Variants in ADGRV1 observed in about 807,000 individuals in gnomAD.
ADGRV1 encodes the protein adhesion G protein-coupled receptor V1, also known as G-protein coupled receptor 98.
In ADGRV1, 359 loss-of-function variants were observed where a neutral mutation model predicts 596.2. That is an observed-to-expected ratio of 0.60 (90% CI 0.55 to 0.66). The LOEUF (loss-of-function observed/expected upper bound fraction) is 0.66. Among genes scored for constraint, ADGRV1 ranks in the 30% least tolerant of loss-of-function variants. The pLI is 0.00. For synonymous variants in ADGRV1, 2,681 were observed against 2,679.2 expected (o/e 1.00, Z -0.02); for missense variants, 7,274 against 7,575.6 (o/e 0.96, Z 1.48).
At chr5:90,675,616 C>T (rs753474050) in intron 24 of ADGRV1, among the ~76,000 whole-genome samples, 171 bp downstream of exon 24, 9 of 152,034 alleles carry the variant, frequency 5.9e-5, no homozygotes, top group Admixed American at 1.3e-4. Context: ...TGGGCAACGT[C>T]GCAAGTCACT....
intron 31 of ADGRV1, among the ~76,000 whole-genome samples, chr5:90,691,663 G>A (rs1252761349): frequency 1.3e-5 from 2 of 152,078 alleles, no homozygotes; most frequent in Admixed American, 6.6e-5. Flanking sequence ...GGGATTACAA[G>A]CATGAGCCAA....
chr5:90,614,719 GTCT>G (rs1763136923), intron 1 of ADGRV1, 113 bp from the exon 2 acceptor site: 2 of 787,560 alleles, frequency 2.5e-6, no homozygotes, highest in Admixed American at 4.0e-5. Context: ...ATGTATTTAT[GTCT>G]TAGTTGTTTG....
chr5:90,999,409 A>T (rs1178995675), intron 85 of ADGRV1, among the ~76,000 whole-genome samples: 1 of 152,050 alleles, frequency 6.6e-6, no homozygotes, highest in Admixed American at 6.6e-5. Flanking sequence ...ATGTTGCCAT[A>T]AGAGTCTCAG....
At chr5:91,014,132 A>G (rs1456896949) in intron 85 of ADGRV1, among the ~76,000 whole-genome samples, 3 of 147,638 alleles carry the variant, frequency 2.0e-5, no homozygotes, top group African/African-American at 7.5e-5. Flanking sequence ...CCCATTCACA[A>G]TTGCCACACA....
chr5:91,083,979 T>A (rs886372293), intron 86 of ADGRV1, among the ~76,000 whole-genome samples: 6 of 152,184 alleles, frequency 3.9e-5, no homozygotes, highest in Non-Finnish European at 7.3e-5. Context: ...TTCGAATCTG[T>A]GTTTTTTGCT....
chr5:90,756,753 A>T (rs188562052), intron 56 of ADGRV1, 123 bp downstream of exon 56: 1 of 869,856 alleles, frequency 1.1e-6, no homozygotes, highest in Admixed American at 2.9e-5. Context: ...AATTTGTCTT[A>T]TAAACTAATT....
At chr5:91,053,272 C>G (rs1015744844) in intron 85 of ADGRV1, among the ~76,000 whole-genome samples, 2 of 152,230 alleles carry the variant, frequency 1.3e-5, no homozygotes, top group African/African-American at 4.8e-5. Flanking sequence ...ATATATGTCA[C>G]TCAGTCTCTC....
chr5:90,777,212 G>A (rs1176134710), intron 61 of ADGRV1, among the ~76,000 whole-genome samples: 7 of 152,080 alleles, frequency 4.6e-5, no homozygotes, highest in African/African-American at 1.7e-4. Context: ...GGGGTGCTAT[G>A]TACTTTTCAA....
chr5:91,091,007 C>T (rs1043439865), intron 86 of ADGRV1, among the ~76,000 whole-genome samples: 10 of 152,122 alleles, frequency 6.6e-5, no homozygotes, highest in Non-Finnish European at 7.4e-5. Flanking sequence ...ATGCATTTCT[C>T]ACCGTGGTTT....
At chr5:91,073,380 TA>T (rs1213932971) in intron 86 of ADGRV1, among the ~76,000 whole-genome samples, 1 of 152,298 alleles carries the variant, frequency 6.6e-6, no homozygotes, top group Non-Finnish European at 1.5e-5. Context: ...TTTACAAGTC[TA>T]AAGCCAAATG....
At chr5:91,045,873 C>T (rs1038943158) in intron 85 of ADGRV1, among the ~76,000 whole-genome samples, 1 of 152,136 alleles carries the variant, frequency 6.6e-6, no homozygotes, top group African/African-American at 2.4e-5. Context: ...CTTCTATACA[C>T]CAACAGCGAC....
At chr5:90,587,435 T>C (rs1342622913) in intron 1 of ADGRV1, among the ~76,000 whole-genome samples, 2 of 152,168 alleles carry the variant, frequency 1.3e-5, no homozygotes, top group Admixed American at 6.5e-5. Context: ...CCAGGAAATA[T>C]GTATTTTTTA....
chr5:90,662,297 C>T (rs1022967914), intron 21 of ADGRV1, among the ~76,000 whole-genome samples: 3 of 151,418 alleles, frequency 2.0e-5, no homozygotes, highest in Non-Finnish European at 4.4e-5. Context: ...GGGTTCACGC[C>T]ATTCTCCTGC....
chr5:91,152,479 C>G (rs1252289579), intron 88 of ADGRV1, among the ~76,000 whole-genome samples: 1 of 151,324 alleles, frequency 6.6e-6, no homozygotes, highest in East Asian at 1.9e-4. Context: ...TACATCTTAC[C>G]AAAAAAAAGT....
intron 66 of ADGRV1, 48 bp from the exon 67 acceptor site, chr5:90,783,790 C>G: frequency 7.3e-7 from 1 of 1,364,634 alleles, no homozygotes; most frequent in Non-Finnish European, 1.0e-6. Flanking sequence ...ATTTTACAAG[C>G]ACTTTAATAT....
chr5:91,073,988 A>G (rs1293866096), intron 86 of ADGRV1, among the ~76,000 whole-genome samples: 1 of 152,140 alleles, frequency 6.6e-6, no homozygotes, highest in African/African-American at 2.4e-5. Flanking sequence ...GTGAGCCACC[A>G]CGCCCAGCCG....
chr5:91,095,362 G>T (rs1457539239), intron 86 of ADGRV1, among the ~76,000 whole-genome samples: 1 of 152,048 alleles, frequency 6.6e-6, no homozygotes, highest in South Asian at 2.1e-4. Flanking sequence ...TCCACACTTG[G>T]CTAATTTTTG....
At chr5:90,677,258 G>C (rs1034271118) in intron 25 of ADGRV1, among the ~76,000 whole-genome samples, 6 of 152,114 alleles carry the variant, frequency 3.9e-5, no homozygotes, top group Admixed American at 6.5e-5. Context: ...TAGATAATTT[G>C]GGTAAATATG....
intron 86 of ADGRV1, among the ~76,000 whole-genome samples, chr5:91,081,926 T>A (rs1789422627): frequency 6.6e-6 from 1 of 152,246 alleles, no homozygotes; most frequent in East Asian, 1.9e-4. Flanking sequence ...TTGACTTAAA[T>A]AGCACAACTA....
Sources: allele counts gnomAD v4.1 joint callset (sites outside exome capture counted in the v4.1 genomes callset), GRCh38; gene constraint gnomAD v4.1.1; transcripts MANE v1.5; gene names NCBI Gene and HGNC (gene_info 2026-07-23, HGNC 2026-07-21).